SMG6: variants seen among roughly 807,000 people sequenced by gnomAD.
SMG6 encodes the protein telomerase-binding protein EST1A.
SMG6 carries 66 observed loss-of-function variants against 142.2 expected under a neutral mutation model. The ratio of observed to expected loss-of-function variants is 0.46; its 90% CI spans 0.38 to 0.57. SMG6 has a LOEUF of 0.57. Ranked by LOEUF, SMG6 falls within the 20% of genes least tolerant of loss-of-function variation. The pLI, the probability that SMG6 is intolerant of heterozygous loss-of-function variation, is 0.00. For missense variants in SMG6, 1,793 were observed against 1,832.0 expected (o/e 0.98, Z 0.39); for synonymous variants, 779 against 702.4 (o/e 1.11, Z -1.72).
rs1299590560 is a variant in SMG6 at position 2,297,995 on chromosome 17, A to C, written c.1908T>G (p.Asn636Lys). The change falls in exon 3 of 19, where the codon AAT becomes AAG. Residue 636 changes from asparagine to lysine, a missense_variant. Physicochemically the swap from Asn to Lys is moderately conservative, Grantham distance 94 (BLOSUM62 0). Around this residue, in one of 3 missense-constraint regions of SMG6, gnomAD observed 1,597 missense variants for 1,584.6 expected, o/e 1.01. Transcript: ENST00000263073. ...TCCACAGGATCTGATCCACATTCTG[A>C]TTATCAGAGAACTCAATATCTAATA... ...CILLDIEFSD[N>K]QNVDQILWKN... 2.5e-6 allele frequency: 4 copies of C among 1,613,174 alleles called. No homozygotes were observed. Among genetic ancestry groups the C allele is most frequent in the Non-Finnish European group, 3.4e-6 (4 of 1,180,010 alleles).
At chr17:2,284,011 C>T (rs1474250193) in intron 6 of SMG6, among the ~76,000 whole-genome samples, 4 of 152,104 alleles carry the variant, frequency 2.6e-5, no homozygotes, top group Admixed American at 2.6e-4. Flanking sequence ...AAAATATAAA[C>T]AGAAATTACA....
chr17:2,065,547 G>A lies in SMG6; in HGVS notation c.3968C>T (p.Ser1323Phe). 1 of 1,614,040 alleles carries A rather than the reference G, an allele frequency of 6.2e-7. No individual in the cohort carries two copies. Among genetic ancestry groups the A allele is most frequent in the Non-Finnish European group, 8.5e-7 (1 of 1,180,012 alleles). Residue 1323 changes from serine to phenylalanine, a missense_variant, in exon 17 of 19, where the codon TCT (serine) becomes TTT (phenylalanine). Coordinates refer to ENST00000263073, the MANE Select transcript of SMG6 (RefSeq NM_017575.5). ...FLEQRFESRD[S>F]CLRALTSRGN... Reference sequence around the variant, plus strand: ...ACGGCTGGTCAGGGCTCGCAGGCAAGAGTCCCGACTCTCGAATCGCTGCTC... The same window carrying A: ...ACGGCTGGTCAGGGCTCGCAGGCAAAAGTCCCGACTCTCGAATCGCTGCTC...
intron 13 of SMG6, among the ~76,000 whole-genome samples, chr17:2,161,401 G>A (rs983855185): frequency 1.2e-4 from 18 of 151,550 alleles, no homozygotes; most frequent in African/African-American, 3.6e-4. Flanking sequence ...CACCAATCCC[G>A]GCCTTTATTT....
intron 13 of SMG6, among the ~76,000 whole-genome samples, chr17:2,142,592 AG>A (rs1195678324): frequency 6.6e-6 from 1 of 151,852 alleles, no homozygotes; most frequent in Non-Finnish European, 1.5e-5. Context: ...TTTTAAAAGT[AG>A]GCAAATATGG....
intron 13 of SMG6, among the ~76,000 whole-genome samples, chr17:2,102,927 T>A (rs1348499784): frequency 6.6e-6 from 1 of 152,208 alleles, no homozygotes; most frequent in African/African-American, 2.4e-5. Context: ...TCACTCAGCA[T>A]AATGCTCTTC....
intron 13 of SMG6, among the ~76,000 whole-genome samples, chr17:2,091,721 A>G (rs1262536951): frequency 4.8e-5 from 7 of 147,066 alleles, no homozygotes; most frequent in African/African-American, 1.5e-4. Context: ...CCCAGGCTGG[A>G]GTGCAGTGGT....
At chr17:2,288,791 C>T (rs4790325) in intron 6 of SMG6, among the ~76,000 whole-genome samples, 64,515 of 151,014 alleles carry the variant, frequency 0.43, 15,004 homozygotes, top group African/African-American at 0.62. Context: ...ATTAGCCAGG[C>T]GTGAGCAGCC....
At chr17:2,083,721 C>T (rs2068483964) in intron 14 of SMG6, among the ~76,000 whole-genome samples, 1 of 152,250 alleles carries the variant, frequency 6.6e-6, no homozygotes, top group Non-Finnish European at 1.5e-5. Flanking sequence ...TGGGGGAACA[C>T]TGCCTCTGCC....
chr17:2,115,606 A>C (rs902422433), intron 13 of SMG6, among the ~76,000 whole-genome samples: 1 of 152,256 alleles, frequency 6.6e-6, no homozygotes, highest in Non-Finnish European at 1.5e-5. Context: ...CTGATCTTTC[A>C]ATAAAATGAA....
At chr17:2,289,756 C>CA (rs981783552) in intron 6 of SMG6, among the ~76,000 whole-genome samples, 2 of 151,312 alleles carry the variant, frequency 1.3e-5, no homozygotes, top group Admixed American at 6.6e-5. Flanking sequence ...ACTAAAAATA[C>CA]AAAAAAATTA....
intron 13 of SMG6, among the ~76,000 whole-genome samples, chr17:2,153,408 T>A (rs2070886628): frequency 6.6e-6 from 1 of 152,186 alleles, no homozygotes; most frequent in African/African-American, 2.4e-5. Context: ...TTTTTGGGGG[T>A]GTTGAAAATG....
chr17:2,189,861 C>A lies in SMG6; in HGVS notation c.2870-1346G>T, dbSNP rs140751072. Among the ~76,000 whole-genome samples the A allele has an allele frequency of 7.7e-3, 1,139 of 147,496 alleles. 4 individuals are homozygous for A. Among genetic ancestry groups the A allele is most frequent in the Non-Finnish European group, 0.012 (795 of 68,002 alleles). On this transcript the variant is annotated intron_variant, in intron 10 of 18. Coordinates refer to ENST00000263073, the MANE Select transcript of SMG6 (RefSeq NM_017575.5). Reference sequence around the variant, plus strand: ...ACGAATAGCATCCAGGGTAGTAATTCTTTGATTGTGGCTTTCCCACCAACC... The same window carrying A: ...ACGAATAGCATCCAGGGTAGTAATTATTTGATTGTGGCTTTCCCACCAACC...
intron 10 of SMG6, chr17:2,213,694 G>A (rs188876373): frequency 7.2e-5 from 11 of 152,194 alleles, no homozygotes; most frequent in Admixed American, 5.9e-4. Flanking sequence ...CCAATGCCAG[G>A]GTAAAACACC....
chr17:2,254,856 C>G (rs1448867356), intron 8 of SMG6, among the ~76,000 whole-genome samples: 1 of 152,130 alleles, frequency 6.6e-6, no homozygotes, highest in African/African-American at 2.4e-5. Flanking sequence ...GGCTAGGATG[C>G]TGTGGAAATA....
chr17:2,243,479 A>G lies in SMG6; in HGVS notation c.2723+1179T>C, dbSNP rs545600242. Among the ~76,000 whole-genome samples, 104 of 152,234 alleles carry G rather than the reference A, an allele frequency of 6.8e-4. 1 individual carries two copies. The South Asian group carries it at 0.021, about 31-fold the overall frequency. ...GTGGATCACATGAGGTCAGGAGTTCAAGACCAGCCTGGCCAATATGGTGAA... is the reference window on the plus strand; with the variant it reads ...GTGGATCACATGAGGTCAGGAGTTCGAGACCAGCCTGGCCAATATGGTGAA... On this transcript the variant is annotated intron_variant, in intron 9 of 18. Coordinates refer to ENST00000263073, the MANE Select transcript of SMG6 (RefSeq NM_017575.5).
At chr17:2,182,340 G>A (rs1229405220) in intron 12 of SMG6, among the ~76,000 whole-genome samples, 1 of 152,164 alleles carries the variant, frequency 6.6e-6, no homozygotes, top group Admixed American at 6.5e-5. Flanking sequence ...GCACAGCTTG[G>A]AGCTCCAAGG....
rs376806361 is a variant in SMG6 at position 2,261,822 on chromosome 17, C to CA, written c.2662-17104dup. ...ACCACAAGTGACAGCTTCCTAGGAG[C>CA]ACGAAGGGCACTATTAGTGCCTTAT... On this transcript the variant is annotated intron_variant, in intron 8 of 18. Coordinates refer to ENST00000263073, the MANE Select transcript of SMG6 (RefSeq NM_017575.5). 1.9e-3 allele frequency among the ~76,000 whole-genome samples: 288 copies of CA among 152,286 alleles called. 1 individual carries two copies. The highest frequency in any genetic ancestry group is 6.7e-3 in the African/African-American group (279 of 41,552).
chr17:2,183,346 AAC>A (rs2071866023), intron 12 of SMG6, among the ~76,000 whole-genome samples: 1 of 152,174 alleles, frequency 6.6e-6, no homozygotes, highest in South Asian at 2.1e-4. Context: ...AACAGGGCTG[AAC>A]AGAGATGGAG....
chr17:2,061,654 T>C (rs1308982310), intron 18 of SMG6, 32 bp from the exon 19 acceptor site: 3 of 1,558,822 alleles, frequency 1.9e-6, no homozygotes, highest in Admixed American at 1.9e-5. Context: ...AGGCTGTCAC[T>C]GAGGACAGGA....
Sources: gnomAD v4.1 joint callset for allele counts (sites outside exome capture counted in the v4.1 genomes callset) on GRCh38, gnomAD v4.1.1 for gene constraint, gnomAD v4.1.1 regional missense constraint, MANE v1.5 for transcripts, NCBI Gene and HGNC (gene_info 2026-07-23, HGNC 2026-07-21) for gene names.